Variants in IRAG2 observed in about 807,000 individuals in gnomAD.
The protein encoded by IRAG2 is lymphoid restricted membrane protein.
IRAG2 carries 45 observed loss-of-function variants against 69.9 expected under a neutral mutation model. The observed-to-expected ratio is 0.64, with a 90% CI of 0.51 to 0.83. The LOEUF is 0.83. Ranked by LOEUF, IRAG2 falls within the 40% of genes least tolerant of loss-of-function variation. IRAG2 has a pLI of 0.00. For missense variants in IRAG2, 520 were observed against 587.0 expected, an observed-to-expected ratio of 0.89 and a Z score of 1.18; for synonymous variants, 193 against 202.4, an observed-to-expected ratio of 0.95 and a Z score of 0.40.
intron 14 of IRAG2, among the ~76,000 whole-genome samples, chr12:25,095,352 A>G (rs1948350662): frequency 6.6e-6 from 1 of 152,102 alleles, no homozygotes; most frequent in African/African-American, 2.4e-5. Flanking sequence ...TTTAATCATA[A>G]AAGTGTGTTC....
upstream of IRAG2, among the ~76,000 whole-genome samples, chr12:25,050,310 C>T (rs970758545): frequency 3.3e-5 from 5 of 151,980 alleles, no homozygotes; most frequent in African/African-American, 1.2e-4. Context: ...ACAGGCGGAT[C>T]TCGAGGTCAG....
intron 16 of IRAG2, among the ~76,000 whole-genome samples, chr12:25,043,008 A>AC (rs893657366): frequency 6.6e-6 from 1 of 151,602 alleles, no homozygotes; most frequent in African/African-American, 2.4e-5. Flanking sequence ...AAATTAAAAA[A>AC]AAAAAAAAGA....
At chr12:25,076,557 C>A in intron 6 of IRAG2, 1 of 984,488 alleles carries the variant, frequency 1.0e-6, no homozygotes, top group Non-Finnish European at 1.2e-6. Flanking sequence ...TTTCCCCAAA[C>A]TGGAAACTGG....
chr12:25,091,535 G>A (rs1948066808), intron 14 of IRAG2, among the ~76,000 whole-genome samples: 1 of 152,174 alleles, frequency 6.6e-6, no homozygotes, highest in Admixed American at 6.5e-5. Context: ...TGGCTATTGT[G>A]AATAGTGCTG....
At chr12:25,006,120 G>GA (rs1944428396) in intron 2 of IRAG2, 1 of 152,006 alleles carries the variant, frequency 6.6e-6, no homozygotes, top group Non-Finnish European at 1.5e-5. Flanking sequence ...ACAAATATAT[G>GA]AAAAAATACT....
At position 25,108,097 on chromosome 12, in the gene IRAG2, A is replaced by G; in HGVS notation, c.*37A>G. 1 of 1,598,078 alleles carries G rather than the reference A, an allele frequency of 6.3e-7. No individual in the cohort carries two copies. The highest frequency in any genetic ancestry group is 2.2e-5 in the East Asian group (1 of 44,582). On this transcript the variant is annotated 3_prime_UTR_variant, in exon 22 of 22. Coordinates refer to ENST00000556887, the MANE Select transcript of IRAG2 (RefSeq NM_001366544.2). ...CCTAATATATGGATCTTGATTTTTA[A>G]GTTTCAGTATCTGAACTTCGTAAAT...
At chr12:25,015,028 A>G (rs1257740160) in intron 3 of IRAG2, among the ~76,000 whole-genome samples, 1 of 139,988 alleles carries the variant, frequency 7.1e-6, no homozygotes, top group African/African-American at 2.7e-5. Context: ...TGTTGAATGA[A>G]TATATATTTT....
chr12:25,007,844 C>T (rs12828254), intron 2 of IRAG2, among the ~76,000 whole-genome samples: 7,085 of 152,218 alleles, frequency 0.047, 226 homozygotes, highest in Non-Finnish European at 0.075. Context: ...TCACAGTTTA[C>T]CACAATCTGA....
intron 20 of IRAG2, 143 bp from the exon 21 acceptor site, chr12:25,106,800 G>GAGTT: frequency 2.8e-6 from 1 of 356,660 alleles, no homozygotes; most frequent in South Asian, 1.2e-4. Flanking sequence ...TTGATTTTTA[G>GAGTT]AGTTAGATAT....
chr12:25,047,204 TAAAACTG>T (rs1437786491), intron 16 of IRAG2, among the ~76,000 whole-genome samples: 4 of 152,176 alleles, frequency 2.6e-5, no homozygotes, highest in African/African-American at 9.7e-5. Context: ...ATTTAAGACC[TAAAACTG>T]AAAACACCTA....
At position 25,068,834 on chromosome 12, in the gene IRAG2, G is replaced by A. The variant is rs540163072; in HGVS notation, c.-58-516G>A. 7.2e-5 allele frequency among the ~76,000 whole-genome samples: 11 copies of A among 152,260 alleles called. No homozygotes were observed. In the East Asian group the frequency reaches 2.1e-3, roughly 29 times the overall value. On this transcript the variant is annotated intron_variant, in intron 5 of 21. Transcript: ENST00000556887. ...AAGGATTTTAGGAGGTCTGTCTCAG[G>A]AACTGGGGGCATTGATCACAATATC... is the stretch of plus-strand genomic sequence containing the variant.
At position 25,108,275 on chromosome 12, in the gene IRAG2, G is replaced by GAAGA. The variant is rs1949361837; in HGVS notation, c.*218_*221dup. On this transcript the variant is annotated 3_prime_UTR_variant, in exon 22 of 22. Coordinates refer to ENST00000556887, the MANE Select transcript of IRAG2 (RefSeq NM_001366544.2). ...ATGATCTTTGAATGAGCTTTTTAAG[G>GAAGA]AAGAAATATTATATATTGTTTGTTA... The GAAGA allele has an allele frequency of 1.8e-6, 1 of 568,318 alleles. No individual in the cohort carries two copies. The highest frequency in any genetic ancestry group is 3.0e-6 in the Non-Finnish European group (1 of 333,420). The allele number at this position is 568,318 out of a possible 1,614,324, so 35.2% of individuals were successfully genotyped here.
chr12:25,050,485 CG>C (rs1461648765), upstream of IRAG2, among the ~76,000 whole-genome samples: 3 of 138,066 alleles, frequency 2.2e-5, no homozygotes, highest in South Asian at 2.4e-4. Context: ...GCTGAGATCG[CG>C]CCAGTGCACT....
At chr12:25,079,051 T>C (rs1947018925) in intron 6 of IRAG2, among the ~76,000 whole-genome samples, 193 bp from the exon 7 acceptor site, 1 of 152,226 alleles carries the variant, frequency 6.6e-6, no homozygotes, top group Non-Finnish European at 1.5e-5. Flanking sequence ...ATATTGGATT[T>C]TTGGGTAAGT....
intron 6 of IRAG2, among the ~76,000 whole-genome samples, chr12:25,077,208 T>TCA (rs1565562236): frequency 3.1e-5 from 3 of 95,440 alleles, no homozygotes; most frequent in African/African-American, 1.1e-4. Flanking sequence ...AATATATATA[T>TCA]GATATATATG....
intron 2 of IRAG2, 69 bp downstream of exon 2, chr12:25,061,722 CTAATT>C: frequency 2.5e-6 from 1 of 398,080 alleles, no homozygotes; most frequent in Admixed American, 4.4e-5. Context: ...GGTTTTGAAG[CTAATT>C]TATAACAGAC....
intron 11 of IRAG2, among the ~76,000 whole-genome samples, chr12:25,088,920 A>G (rs967438788): frequency 1.3e-5 from 2 of 149,812 alleles, no homozygotes; most frequent in South Asian, 2.1e-4. Context: ...AAAAAAATCA[A>G]TCTTATCTTA....
chr12:25,053,785 T>C, intron 1 of IRAG2, among the ~76,000 whole-genome samples: 1 of 150,766 alleles, frequency 6.6e-6, no homozygotes, highest in East Asian at 1.9e-4. Context: ...TTAATTGTTA[T>C]ATAATTATAA....
At chr12:25,077,352 G>GATATATATATGAAAT in intron 6 of IRAG2, among the ~76,000 whole-genome samples, 1 of 24,062 alleles carries the variant, frequency 4.2e-5, no homozygotes, top group South Asian at 1.5e-3. Context: ...ATATATATAT[G>GATATATATATGAAAT]ATATATATGA....
Sources: allele counts gnomAD v4.1 joint callset (sites outside exome capture counted in the v4.1 genomes callset), GRCh38; gene constraint gnomAD v4.1.1; transcripts MANE v1.5; gene names NCBI Gene and HGNC (gene_info 2026-07-23, HGNC 2026-07-21).